The following VPS8 variants were observed in gnomAD, a reference collection of about 807,000 sequenced individuals.
VPS8 encodes VPS8 subunit of CORVET complex.
In VPS8, 129 loss-of-function variants were observed where a neutral mutation model predicts 216.4. The observed-to-expected ratio is 0.60, with a 90% CI of 0.52 to 0.69. The LOEUF is 0.69. VPS8 is among the 30% of genes least tolerant of loss of function. VPS8 has a pLI of 0.00. For synonymous variants in VPS8, 571 were observed against 565.4 expected (o/e 1.01, Z -0.14); for missense variants, 1,531 against 1,683.5 (o/e 0.91, Z 1.59).
intron 8 of VPS8, among the ~76,000 whole-genome samples, chr3:184,846,972 A>G (rs745884298): frequency 6.6e-6 from 1 of 152,220 alleles, no homozygotes; most frequent in Non-Finnish European, 1.5e-5. Context: ...GAATAAAGGG[A>G]AGTTTTATAA....
At chr3:184,910,462 A>G (rs1175598803) in intron 25 of VPS8, among the ~76,000 whole-genome samples, 4 of 151,902 alleles carry the variant, frequency 2.6e-5, no homozygotes, top group Non-Finnish European at 5.9e-5. Flanking sequence ...AAGTGAAGGA[A>G]CTCTCCACCA....
rs555614716 is a variant in VPS8 at position 184,847,250 on chromosome 3, T to C, written c.542-1821T>C. On this transcript the variant is annotated intron_variant, in intron 8 of 47. Transcript: ENST00000625842. ...GAACTCTTTTTTGGGAAGGAGGGAT[T>C]ACTATTTAAGTCATTTTATGAGCAC... Among the ~76,000 whole-genome samples, 12 of 152,352 alleles carry C rather than the reference T, an allele frequency of 7.9e-5. No individual in the cohort carries two copies. In the East Asian group the frequency reaches 2.3e-3, roughly 29 times the overall value.
At chr3:184,829,436 G>A (rs555261810) in intron 3 of VPS8, among the ~76,000 whole-genome samples, 58 of 152,148 alleles carry the variant, frequency 3.8e-4, no homozygotes, top group African/African-American at 1.3e-3. Context: ...GGCTGGTCTC[G>A]AACTCCTGAC....
intron 22 of VPS8, among the ~76,000 whole-genome samples, 155 bp downstream of exon 22, chr3:184,886,311 C>T (rs1390491399): frequency 1.3e-5 from 2 of 152,016 alleles, no homozygotes; most frequent in Non-Finnish European, 2.9e-5. Context: ...GTTCATTTAC[C>T]TAATAAAATT....
chr3:185,049,149 C>T (rs761720468), intron 47 of VPS8, among the ~76,000 whole-genome samples: 1 of 152,138 alleles, frequency 6.6e-6, no homozygotes, highest in Non-Finnish European at 1.5e-5. Flanking sequence ...ATGACCATAC[C>T]TCACTGCAAT....
chr3:185,050,793 G>A (rs535396486), intron 47 of VPS8, among the ~76,000 whole-genome samples: 13 of 152,214 alleles, frequency 8.5e-5, no homozygotes, highest in African/African-American at 3.1e-4. Context: ...TGGCCCCCTC[G>A]TCTCAGCTGT....
intron 21 of VPS8, 179 bp from the exon 22 acceptor site, chr3:184,885,931 C>A: frequency 1.8e-6 from 1 of 545,542 alleles, no homozygotes; most frequent in Non-Finnish European, 3.2e-6. Context: ...AATAGAATTA[C>A]TAGGTCAAAA....
At chr3:184,969,546 C>T (rs1748037579) in intron 39 of VPS8, among the ~76,000 whole-genome samples, 1 of 150,234 alleles carries the variant, frequency 6.7e-6, no homozygotes, top group Admixed American at 6.7e-5. Flanking sequence ...CCTCCTGCCT[C>T]AGCTCCTTGG....
chr3:184,877,779 C>T (rs894365041), intron 21 of VPS8, among the ~76,000 whole-genome samples: 1 of 152,128 alleles, frequency 6.6e-6, no homozygotes, highest in African/African-American at 2.4e-5. Flanking sequence ...TGTTATGTAA[C>T]TCACTTTGAA....
chr3:185,011,804 A>G (rs942863595), intron 45 of VPS8, among the ~76,000 whole-genome samples: 1 of 152,200 alleles, frequency 6.6e-6, no homozygotes, highest in Admixed American at 6.5e-5. Context: ...GTAAACTATA[A>G]TCAAGAGAAA....
intron 45 of VPS8, among the ~76,000 whole-genome samples, chr3:185,021,583 A>G (rs891477062): frequency 7.2e-5 from 11 of 152,234 alleles, no homozygotes; most frequent in Non-Finnish European, 1.6e-4. Context: ...AAGCTACATC[A>G]TACATCTGGA....
intron 45 of VPS8, among the ~76,000 whole-genome samples, chr3:185,009,071 C>T (rs1179529593): frequency 1.3e-5 from 2 of 152,200 alleles, no homozygotes; most frequent in African/African-American, 4.8e-5. Flanking sequence ...CAGCCCAGTT[C>T]TCACTTATTT....
intron 46 of VPS8, among the ~76,000 whole-genome samples, chr3:185,034,684 C>CT (rs1344554799): frequency 1.5e-4 from 23 of 151,322 alleles, no homozygotes; most frequent in African/African-American, 5.1e-4. Context: ...TTTGCTTTTG[C>CT]TTTTTTTTGC....
At chr3:184,838,137 A>T (rs562379022) in intron 5 of VPS8, among the ~76,000 whole-genome samples, 1 of 152,350 alleles carries the variant, frequency 6.6e-6, no homozygotes, top group East Asian at 1.9e-4. Context: ...TGAACAGATG[A>T]GGAGACTAAT....
At position 184,898,545 on chromosome 3, in the gene VPS8, G is replaced by A. The variant is rs1733929443; in HGVS notation, c.2005-20G>A. The A allele has an allele frequency of 3.3e-6, 5 of 1,535,002 alleles. No individual in the cohort carries two copies. The highest frequency in any genetic ancestry group is 4.4e-6 in the Non-Finnish European group (5 of 1,133,234). ...TTGGTGACTGAATTGTATGGACCAA[G>A]TGGCTTTTCCTTTTCACAGGTAGTT... On this transcript the variant is annotated intron_variant, in intron 23 of 47. Coordinates refer to ENST00000625842, the MANE Select transcript of VPS8 (RefSeq NM_001009921.3).
In VPS8 at chr3:184,860,632, G is replaced by A. The variant is rs910471906; in HGVS notation, c.1224+567G>A. Reference sequence around the variant, plus strand: ...TTTAATGTCTTGTTTAGCTCAAAGGGGAGTTTGGCTTCAGAAGAATTTAGG... The same window carrying A: ...TTTAATGTCTTGTTTAGCTCAAAGGAGAGTTTGGCTTCAGAAGAATTTAGG... On this transcript the variant is annotated intron_variant, in intron 15 of 47. Transcript: ENST00000625842. Among the ~76,000 whole-genome samples, 3 of 151,964 alleles carry A rather than the reference G, an allele frequency of 2.0e-5. No individual in the cohort carries two copies. In the East Asian group the frequency reaches 5.8e-4, roughly 29 times the overall value.
intron 46 of VPS8, among the ~76,000 whole-genome samples, chr3:185,032,891 T>A (rs566219675): frequency 2.0e-5 from 3 of 152,194 alleles, no homozygotes; most frequent in East Asian, 3.9e-4. Context: ...ATGATCTCAA[T>A]CTCCTGACCT....
rs182869946 is a variant in VPS8 at position 185,036,211 on chromosome 3, A to G, written c.4056+11822A>G. Among the ~76,000 whole-genome samples the G allele has an allele frequency of 3.6e-3, 547 of 152,334 alleles. 3 individuals carry two copies. The highest frequency in any genetic ancestry group is 0.012 in the African/African-American group (490 of 41,576). On this transcript the variant is annotated intron_variant, in intron 46 of 47. Transcript: ENST00000625842. ...CCCAAAGCAATTTACAGTCAGTGCT[A>G]TTCCTATCAAACTACCGACATAATT...
At chr3:185,014,316 G>T (rs1272180531) in intron 45 of VPS8, among the ~76,000 whole-genome samples, 5 of 152,126 alleles carry the variant, frequency 3.3e-5, no homozygotes, top group Non-Finnish European at 7.3e-5. Flanking sequence ...TGTTGCTCAT[G>T]ACAGTTGGGG....
Sources: gnomAD v4.1 joint callset for allele counts (sites outside exome capture counted in the v4.1 genomes callset) on GRCh38, gnomAD v4.1.1 for gene constraint, MANE v1.5 for transcripts, NCBI Gene and HGNC (gene_info 2026-07-23, HGNC 2026-07-21) for gene names.